The following CNTN4 variants were observed in gnomAD, a reference collection of about 807,000 sequenced individuals.
CNTN4 encodes the protein contactin-4.
CNTN4 carries 77 observed loss-of-function variants against 122.5 expected under a neutral mutation model. That is an observed-to-expected ratio of 0.63 (90% CI 0.52 to 0.76). The LOEUF (loss-of-function observed/expected upper bound fraction) is 0.76. Ranked by LOEUF, CNTN4 falls within the 30% of genes least tolerant of loss-of-function variation. CNTN4 has a pLI of 0.00. For missense variants in CNTN4, 1,256 were observed against 1,259.1 expected, an observed-to-expected ratio of 1.00 and a Z score of 0.04; for synonymous variants, 512 against 447.0, an observed-to-expected ratio of 1.15 and a Z score of -1.83.
chr3:2,766,862 C>G (rs1236379505), intron 6 of CNTN4, among the ~76,000 whole-genome samples: 1 of 152,102 alleles, frequency 6.6e-6, no homozygotes, highest in African/African-American at 2.4e-5. Context: ...TATTAATGAC[C>G]AGATGATGAC....
intron 13 of CNTN4, among the ~76,000 whole-genome samples, chr3:2,952,682 C>A (rs2094758349): frequency 1.3e-5 from 2 of 152,116 alleles, no homozygotes. Flanking sequence ...CATTGTATGA[C>A]TTTGTCAATT....
intron 10 of CNTN4, among the ~76,000 whole-genome samples, chr3:2,890,811 C>T (rs924746184): frequency 6.6e-6 from 1 of 152,134 alleles, no homozygotes; most frequent in Non-Finnish European, 1.5e-5. Context: ...TTACCCTACC[C>T]CATCTTCCCA....
intron 13 of CNTN4, among the ~76,000 whole-genome samples, chr3:2,955,995 G>A (rs1258599822): frequency 6.6e-6 from 1 of 152,132 alleles, no homozygotes; most frequent in African/African-American, 2.4e-5. Context: ...GTACATCCAT[G>A]TTCATTGCAG....
intron 3 of CNTN4, among the ~76,000 whole-genome samples, chr3:2,343,435 A>C (rs1327699270): frequency 6.6e-6 from 1 of 152,140 alleles, no homozygotes; most frequent in Non-Finnish European, 1.5e-5. Flanking sequence ...CATAGGGTGT[A>C]ACTTTGTAAC....
At chr3:2,267,264 G>C (rs998368137) in intron 2 of CNTN4, among the ~76,000 whole-genome samples, 1 of 152,056 alleles carries the variant, frequency 6.6e-6, no homozygotes, top group Non-Finnish European at 1.5e-5. Flanking sequence ...GAATTGACCT[G>C]TGTGTGTTTG....
intron 2 of CNTN4, among the ~76,000 whole-genome samples, chr3:2,222,821 C>G (rs532065420): frequency 1.3e-5 from 2 of 152,230 alleles, no homozygotes; most frequent in East Asian, 3.9e-4. Context: ...GATTGTCATT[C>G]TGTCATCTTT....
intron 8 of CNTN4, among the ~76,000 whole-genome samples, chr3:2,873,482 G>T (rs533867047): frequency 7.9e-5 from 12 of 152,308 alleles, no homozygotes; most frequent in African/African-American, 2.6e-4. Flanking sequence ...TGGCTCAGAA[G>T]ACTACATTCC....
chr3:2,776,858 C>T (rs193237868), intron 6 of CNTN4, among the ~76,000 whole-genome samples: 17 of 152,268 alleles, frequency 1.1e-4, no homozygotes, highest in African/African-American at 4.1e-4. Flanking sequence ...TTCATTCAAA[C>T]ATCTTATGTA....
intron 4 of CNTN4, among the ~76,000 whole-genome samples, chr3:2,644,779 A>G (rs1178332903): frequency 6.9e-6 from 1 of 145,516 alleles, no homozygotes; most frequent in Non-Finnish European, 1.5e-5. Context: ...CTAGATTAAT[A>G]TATCTGTTTG....
rs1422552260 is a variant in CNTN4, at chr3:2,841,569, T to A, written c.454+21988T>A. Among the ~76,000 whole-genome samples the A allele has an allele frequency of 6.6e-6, 1 of 152,186 alleles. No individual in the cohort carries two copies. Among genetic ancestry groups the A allele is most frequent in the Non-Finnish European group, 1.5e-5 (1 of 68,030 alleles). ...CCCAATCGGGCTCCAACCCTCAAAC[T>A]ATATTTGGCCATTGGCTTCGGGATT... On this transcript the variant is annotated intron_variant, in intron 7 of 24. Transcript: ENST00000418658. This position sits in a 1 kb window ranked among gnomAD's most constrained non-coding sequence, Gnocchi z 4.8.
intron 2 of CNTN4, among the ~76,000 whole-genome samples, chr3:2,221,508 CAA>C (rs1238897155): frequency 3.3e-5 from 4 of 120,874 alleles, no homozygotes; most frequent in Middle Eastern, 4.4e-3. Context: ...TGAGATAAGA[CAA>C]AAAAAAAAAG....
At chr3:2,660,864 C>G (rs1406327943) in intron 4 of CNTN4, among the ~76,000 whole-genome samples, 1 of 152,198 alleles carries the variant, frequency 6.6e-6, no homozygotes. Context: ...TTTAATCCCA[C>G]CTTTATGCTT....
At chr3:2,650,052 A>G (rs1177024611) in intron 4 of CNTN4, among the ~76,000 whole-genome samples, 1 of 146,682 alleles carries the variant, frequency 6.8e-6, no homozygotes, top group Non-Finnish European at 1.5e-5. Context: ...TTCATATTAT[A>G]TGTATAAAAT....
intron 2 of CNTN4, among the ~76,000 whole-genome samples, chr3:2,188,408 A>G (rs1211643399): frequency 6.6e-6 from 1 of 152,172 alleles, no homozygotes; most frequent in Non-Finnish European, 1.5e-5. Context: ...TTCAGGAAAG[A>G]TAGAGACTAG....
chr3:2,349,700 A>G (rs1299386352), intron 3 of CNTN4, among the ~76,000 whole-genome samples: 1 of 152,238 alleles, frequency 6.6e-6, no homozygotes, highest in Non-Finnish European at 1.5e-5. Flanking sequence ...TCTGCAGAAT[A>G]TTAGCATAGC....
chr3:2,756,989 C>A (rs559916264), intron 6 of CNTN4, among the ~76,000 whole-genome samples: 6 of 152,188 alleles, frequency 3.9e-5, no homozygotes, highest in Non-Finnish European at 7.4e-5. Context: ...TTTTTCATTT[C>A]TTTCCTGACC....
intron 4 of CNTN4, among the ~76,000 whole-genome samples, chr3:2,614,768 G>A (rs1239568045): frequency 2.0e-5 from 3 of 152,052 alleles, no homozygotes; most frequent in South Asian, 4.1e-4. Flanking sequence ...TCCTTGTAGA[G>A]ATGCCAGATA....
In CNTN4 at chr3:3,030,869, T is replaced by A. The variant is rs776658278; in HGVS notation, c.1677T>A (p.Gly559=). 1.5e-5 allele frequency: 25 copies of A among 1,614,066 alleles called. No individual in the cohort carries two copies. The highest frequency in any genetic ancestry group is 1.1e-4 in the South Asian group (10 of 91,086). Reference sequence around the variant, plus strand: ...TACTTTATCAGCAGGATTCAGCTGGTGATTTGATGATCCGAAACATCCAAC... The same window carrying A: ...TACTTTATCAGCAGGATTCAGCTGGAGATTTGATGATCCGAAACATCCAAC... The part of the protein sequence containing the change: ...FERVGGQDSA[G]DLMIRNIQLK... Residue 559 remains glycine, a synonymous_variant, in exon 16 of 25, where the codon GGT becomes GGA. Transcript: ENST00000418658.
intron 18 of CNTN4, among the ~76,000 whole-genome samples, chr3:3,037,916 C>T (rs1699763171): frequency 6.6e-6 from 1 of 152,174 alleles, no homozygotes; most frequent in Admixed American, 6.5e-5. Context: ...GAGAGAAGAA[C>T]AAGTTCATCA....
Sources: gnomAD v4.1 joint callset for allele counts (sites outside exome capture counted in the v4.1 genomes callset) on GRCh38, gnomAD v4.1.1 for gene constraint, Gnocchi (gnomAD v3.1) non-coding constraint, MANE v1.5 for transcripts, NCBI Gene and HGNC (gene_info 2026-07-23, HGNC 2026-07-21) for gene names.